Variants in ZNF385D observed in about 807,000 individuals in gnomAD.
ZNF385D encodes the protein zinc finger protein 659.
ZNF385D carries 15 observed loss-of-function variants against 35.8 expected under a neutral mutation model. The ratio of observed to expected loss-of-function variants is 0.42; its 90% CI spans 0.28 to 0.64. The LOEUF is 0.64. Among genes scored for constraint, ZNF385D ranks in the 30% least tolerant of loss-of-function variants. ZNF385D has a pLI of 0.23. For missense variants in ZNF385D, 474 were observed against 494.6 expected, an observed-to-expected ratio of 0.96 and a Z score of 0.39; for synonymous variants, 212 against 186.8, an observed-to-expected ratio of 1.13 and a Z score of -1.10.
In ZNF385D at chr3:21,915,021, CA is replaced by C. The variant is rs535244097; in HGVS notation, c.326-249994del. Among the ~76,000 whole-genome samples the C allele has an allele frequency of 1.2e-3, 171 of 147,746 alleles. 1 individual carries two copies. The highest frequency in any genetic ancestry group is 4.2e-3 in the African/African-American group (167 of 40,232). On this transcript the variant is annotated intron_variant, in intron 3 of 5. Transcript: ENST00000494108. ...TAATATAAGTCACCAAAAATATATT[CA>C]ATAGAAATCCAGAGTGTAAAAATTA... is the stretch of plus-strand genomic sequence containing the variant.
intron 4 of ZNF385D, among the ~76,000 whole-genome samples, chr3:21,485,679 A>G (rs1704976133): frequency 6.6e-6 from 1 of 152,094 alleles, no homozygotes; most frequent in Admixed American, 6.6e-5. Context: ...CATTAATAAT[A>G]ATGATCATAA....
intron 2 of ZNF385D, among the ~76,000 whole-genome samples, chr3:22,298,388 G>A (rs1306045282): frequency 7.0e-6 from 1 of 142,766 alleles, no homozygotes; most frequent in African/African-American, 2.5e-5. Context: ...GTGTGTGTGT[G>A]TGTGTGTATA....
At chr3:22,057,381 C>A (rs1426216480) in intron 3 of ZNF385D, among the ~76,000 whole-genome samples, 1 of 152,112 alleles carries the variant, frequency 6.6e-6, no homozygotes, top group Non-Finnish European at 1.5e-5. Context: ...CTAACATTAA[C>A]TGTGTTAGAA....
chr3:21,674,050 T>A (rs2066652266), intron 1 of ZNF385D, among the ~76,000 whole-genome samples: 1 of 152,140 alleles, frequency 6.6e-6, no homozygotes, highest in Admixed American at 6.6e-5. Flanking sequence ...TTACTCATGA[T>A]CTGTACCTCT....
chr3:21,494,212 A>G (rs540647342), intron 4 of ZNF385D, among the ~76,000 whole-genome samples: 3 of 152,302 alleles, frequency 2.0e-5, no homozygotes, highest in African/African-American at 7.2e-5. Flanking sequence ...ACAAAATGTA[A>G]ACCGAGAAAA....
chr3:22,329,458 G>T (rs988377686), intron 2 of ZNF385D, among the ~76,000 whole-genome samples: 13 of 152,138 alleles, frequency 8.5e-5, no homozygotes, highest in Admixed American at 3.3e-4. Flanking sequence ...TATACCTGAG[G>T]TTCTTCAATT....
At chr3:21,706,186 T>G (rs980157078) in intron 1 of ZNF385D, among the ~76,000 whole-genome samples, 15 of 152,072 alleles carry the variant, frequency 9.9e-5, no homozygotes, top group Non-Finnish European at 1.5e-4. Flanking sequence ...CAGATTTCAA[T>G]GAGGACATAC....
intron 2 of ZNF385D, among the ~76,000 whole-genome samples, chr3:22,214,178 G>T (rs1305662721): frequency 1.3e-5 from 2 of 152,074 alleles, no homozygotes; most frequent in African/African-American, 4.8e-5. Flanking sequence ...TCTTATGCCT[G>T]TCTTTACTGC....
At chr3:21,456,593 G>A (rs1249717558) in intron 4 of ZNF385D, among the ~76,000 whole-genome samples, 1 of 152,006 alleles carries the variant, frequency 6.6e-6, no homozygotes, top group Non-Finnish European at 1.5e-5. Flanking sequence ...TTGTGGGGTG[G>A]GGGGAGTAAG....
chr3:22,352,007 A>G (rs1433496766), intron 2 of ZNF385D, among the ~76,000 whole-genome samples: 3 of 152,162 alleles, frequency 2.0e-5, no homozygotes. Flanking sequence ...TGTAGCCAAC[A>G]TAAAAGGGAT....
At chr3:22,058,153 G>A (rs1317077154) in intron 3 of ZNF385D, among the ~76,000 whole-genome samples, 2 of 151,960 alleles carry the variant, frequency 1.3e-5, no homozygotes, top group Admixed American at 6.6e-5. Flanking sequence ...TTAAAGTATT[G>A]GTAACTCATA....
At chr3:22,082,727 G>A (rs1024537421) in intron 3 of ZNF385D, among the ~76,000 whole-genome samples, 8 of 152,162 alleles carry the variant, frequency 5.3e-5, no homozygotes, top group East Asian at 1.9e-4. Flanking sequence ...GTTTGAGCTC[G>A]GAGAACAAAC....
At chr3:21,712,277 G>T (rs1485773830) in intron 1 of ZNF385D, among the ~76,000 whole-genome samples, 1 of 152,134 alleles carries the variant, frequency 6.6e-6, no homozygotes, top group African/African-American at 2.4e-5. Flanking sequence ...AGCCATCACA[G>T]TAGGAATCTG....
intron 2 of ZNF385D, among the ~76,000 whole-genome samples, chr3:22,332,586 A>C (rs991124137): frequency 6.6e-6 from 1 of 152,158 alleles, no homozygotes; most frequent in Non-Finnish European, 1.5e-5. Flanking sequence ...GATAGCAAGG[A>C]AACAAAAAAT....
rs1029171266 is a variant in ZNF385D at position 21,420,987 on chromosome 3, A to G, written c.*227T>C. 1.5e-5 allele frequency: 8 copies of G among 531,294 alleles called. No individual in the cohort carries two copies. The highest frequency in any genetic ancestry group is 3.3e-5 in the East Asian group (1 of 30,642). The allele number at this position is 531,294 out of a possible 1,614,324, so 32.9% of individuals were successfully genotyped here. On this transcript the variant is annotated 3_prime_UTR_variant, in exon 8 of 8. Transcript: ENST00000281523. Reference sequence around the variant, plus strand: ...AATCAATGCTGGAGATCACTTCTAAAACAATCAGCGTTCAAGAGGAATGCT... The same window carrying G: ...AATCAATGCTGGAGATCACTTCTAAGACAATCAGCGTTCAAGAGGAATGCT...
At chr3:21,745,604 CAT>C (rs1223930582) in intron 1 of ZNF385D, among the ~76,000 whole-genome samples, 1 of 152,190 alleles carries the variant, frequency 6.6e-6, no homozygotes, top group Non-Finnish European at 1.5e-5. Flanking sequence ...TGCCACCAAT[CAT>C]GTGTGAAATT....
At chr3:22,076,796 G>C (rs2125574307) in intron 3 of ZNF385D, among the ~76,000 whole-genome samples, 1 of 151,784 alleles carries the variant, frequency 6.6e-6, no homozygotes, top group East Asian at 1.9e-4. Flanking sequence ...CTTATTCTTG[G>C]ACAAAATATT....
chr3:22,155,750 C>G (rs1705541816), intron 3 of ZNF385D, among the ~76,000 whole-genome samples: 1 of 152,016 alleles, frequency 6.6e-6, no homozygotes, highest in African/African-American at 2.4e-5. Flanking sequence ...ATGTATGACT[C>G]TCCAAAACCT....
chr3:21,883,682 A>C (rs1176495027), intron 3 of ZNF385D, among the ~76,000 whole-genome samples: 1 of 152,198 alleles, frequency 6.6e-6, no homozygotes, highest in East Asian at 1.9e-4. Context: ...CTGCACAGCA[A>C]ATAAGGCATA....
Sources: gnomAD v4.1 joint callset for allele counts (sites outside exome capture counted in the v4.1 genomes callset) on GRCh38, gnomAD v4.1.1 for gene constraint, MANE v1.5 for transcripts, NCBI Gene and HGNC (gene_info 2026-07-23, HGNC 2026-07-21) for gene names.